The following OSBPL9 variants were observed in gnomAD, a reference collection of about 807,000 sequenced individuals.
OSBPL9 encodes oxysterol binding protein like 9.
In OSBPL9, 40 loss-of-function variants were observed where a neutral mutation model predicts 106.6. The ratio of observed to expected loss-of-function variants is 0.38; its 90% CI spans 0.29 to 0.49. The LOEUF is 0.49. OSBPL9 is among the 20% of genes least tolerant of loss of function. OSBPL9 has a pLI of 0.97. For missense variants in OSBPL9, 609 were observed against 887.2 expected, an observed-to-expected ratio of 0.69 and a Z score of 3.98; for synonymous variants, 269 against 295.4, an observed-to-expected ratio of 0.91 and a Z score of 0.92.
chr1:51,622,123 A>C (rs905631150), intron 1 of OSBPL9, among the ~76,000 whole-genome samples: 1 of 152,122 alleles, frequency 6.6e-6, no homozygotes, highest in Non-Finnish European at 1.5e-5. Context: ...GAGTCTGAAG[A>C]CATCCAGGTT....
At chr1:51,777,326 A>T (rs1462257581) in intron 15 of OSBPL9, among the ~76,000 whole-genome samples, 1 of 152,248 alleles carries the variant, frequency 6.6e-6, no homozygotes, top group Admixed American at 6.5e-5. Flanking sequence ...AGGAAAAGTC[A>T]TGTCTGCCCT....
upstream of OSBPL9, among the ~76,000 whole-genome samples, chr1:51,572,709 T>C (rs558461342): frequency 8.7e-4 from 132 of 152,266 alleles, no homozygotes; most frequent in Admixed American, 2.1e-3. Context: ...TCTGAAAAAC[T>C]GGGAAAGTAA....
chr1:51,676,657 T>TAA (rs745556662), intron 3 of OSBPL9, among the ~76,000 whole-genome samples: 8 of 88,860 alleles, frequency 9.0e-5, no homozygotes, highest in Admixed American at 1.3e-4. Flanking sequence ...AGACTCCATC[T>TAA]AAAAAAAAAA....
intron 16 of OSBPL9, among the ~76,000 whole-genome samples, chr1:51,782,338 G>T (rs1676582478): frequency 6.6e-6 from 1 of 152,128 alleles, no homozygotes; most frequent in South Asian, 2.1e-4. Flanking sequence ...ACTCTTGTCA[G>T]CCCTGAATGA....
At chr1:51,778,826 A>G (rs559541239) in intron 15 of OSBPL9, among the ~76,000 whole-genome samples, 1 of 152,330 alleles carries the variant, frequency 6.6e-6, no homozygotes, top group African/African-American at 2.4e-5. Context: ...CAACAATTGT[A>G]TAACACAGAG....
chr1:51,636,359 G>A (rs1257780733), intron 1 of OSBPL9, among the ~76,000 whole-genome samples: 2 of 146,534 alleles, frequency 1.4e-5, no homozygotes, highest in Admixed American at 1.4e-4. Flanking sequence ...TTCCCTTTGA[G>A]ACAAAGTCTG....
At chr1:51,707,199 T>A (rs977587844) in intron 3 of OSBPL9, 2 of 385,012 alleles carry the variant, frequency 5.2e-6, no homozygotes, top group Admixed American at 5.3e-5. Flanking sequence ...AGATTCATTT[T>A]CATTGTCATA....
intron 1 of OSBPL9, among the ~76,000 whole-genome samples, chr1:51,589,690 A>G (rs1645263697): frequency 6.6e-6 from 1 of 151,928 alleles, no homozygotes; most frequent in South Asian, 2.1e-4. Context: ...TCTGAGAAAC[A>G]ACAAGAAAGC....
chr1:51,715,623 G>A (rs965956242), intron 4 of OSBPL9, among the ~76,000 whole-genome samples: 1 of 152,148 alleles, frequency 6.6e-6, no homozygotes, highest in African/African-American at 2.4e-5. Flanking sequence ...TAGACTGAAT[G>A]TGGCAGATGA....
At chr1:51,617,742 A>C (rs1010181212) in intron 1 of OSBPL9, among the ~76,000 whole-genome samples, 1 of 152,094 alleles carries the variant, frequency 6.6e-6, no homozygotes, top group Non-Finnish European at 1.5e-5. Flanking sequence ...GGGGGTCCGA[A>C]ATCCCTCCAG....
At chr1:51,550,971 C>A in the OSBPL9 span, among the ~76,000 whole-genome samples, 781 of 152,240 alleles carry the variant, frequency 5.1e-3, 8 homozygotes, top group African/African-American at 0.017. Flanking sequence ...CTATTTGTAT[C>A]AGGCACTTTA....
At chr1:51,676,822 T>C (rs993541803) in intron 3 of OSBPL9, among the ~76,000 whole-genome samples, 2 of 152,118 alleles carry the variant, frequency 1.3e-5, no homozygotes, top group African/African-American at 4.8e-5. Flanking sequence ...AAAAACCCAA[T>C]TGGGCATTGT....
At chr1:51,568,956 ACCCGCCTCAGCCC>A in the OSBPL9 span, among the ~76,000 whole-genome samples, 1 of 151,884 alleles carries the variant, frequency 6.6e-6, no homozygotes, top group African/African-American at 2.4e-5. Context: ...CAAGTGATCT[ACCCGCCTCAGCCC>A]CCCGCCACCC....
intron 2 of OSBPL9, among the ~76,000 whole-genome samples, chr1:51,609,026 T>C (rs1283000124): frequency 2.0e-5 from 3 of 152,154 alleles, no homozygotes; most frequent in African/African-American, 7.2e-5. Context: ...TAAAGTTCAC[T>C]GTCTAATTCT....
At chr1:51,715,839 T>C (rs1660954843) in intron 4 of OSBPL9, among the ~76,000 whole-genome samples, 1 of 152,248 alleles carries the variant, frequency 6.6e-6, no homozygotes, top group African/African-American at 2.4e-5. Context: ...TTCTACCCTT[T>C]TTTTCAAAGC....
chr1:51,647,009 G>A (rs2148691726), intron 1 of OSBPL9, among the ~76,000 whole-genome samples: 1 of 152,220 alleles, frequency 6.6e-6, no homozygotes, highest in Non-Finnish European at 1.5e-5. Flanking sequence ...TTGTTCTTAG[G>A]TATAAAGCTT....
At chr1:51,556,825 GTGTATATATATACATATATA>G in the OSBPL9 span, among the ~76,000 whole-genome samples, 1 of 148,938 alleles carries the variant, frequency 6.7e-6, no homozygotes, top group African/African-American at 2.5e-5. Flanking sequence ...ACATATATAT[GTGTATATATATACATATATA>G]TGTATATATA....
At chr1:51,518,940 A>G in the OSBPL9 span, among the ~76,000 whole-genome samples, 1 of 151,162 alleles carries the variant, frequency 6.6e-6, no homozygotes, top group Admixed American at 6.6e-5. Context: ...AGCGGCGCGG[A>G]GGGCGGCGAG....
At chr1:51,616,942 C>T, upstream of OSBPL9, 1 of 1,349,172 alleles carries the variant, frequency 7.4e-7, no homozygotes, top group South Asian at 1.4e-5. Context: ...GTCCTACACA[C>T]AATAGGCGCC....
Sources: allele counts gnomAD v4.1 joint callset (sites outside exome capture counted in the v4.1 genomes callset), GRCh38; gene constraint gnomAD v4.1.1; transcripts MANE v1.5; gene names NCBI Gene and HGNC (gene_info 2026-07-23, HGNC 2026-07-21).